The following LPP variants were observed in gnomAD, a reference collection of about 807,000 sequenced individuals.
LPP encodes LIM domain containing preferred translocation partner in lipoma.
Under a neutral mutation model 60.4 loss-of-function variants are expected in LPP, and 38 were observed. That is an observed-to-expected ratio of 0.63 (90% CI 0.49 to 0.83). LPP has a LOEUF of 0.83. LPP is among the 40% of genes least tolerant of loss of function. The pLI, the probability that LPP is intolerant of heterozygous loss-of-function variation, is 0.00. For missense variants in LPP, 902 were observed against 783.6 expected, an observed-to-expected ratio of 1.15 and a Z score of -1.80; for synonymous variants, 328 against 290.8, an observed-to-expected ratio of 1.13 and a Z score of -1.30.
intron 1 of LPP, among the ~76,000 whole-genome samples, chr3:188,212,173 T>C (rs1038134616): frequency 2.6e-5 from 4 of 152,162 alleles, no homozygotes; most frequent in African/African-American, 9.7e-5. Context: ...GGAGTTGTTT[T>C]GAGACTCACC....
chr3:188,655,984 GT>G (rs1183503756), intron 7 of LPP, among the ~76,000 whole-genome samples: 2 of 151,914 alleles, frequency 1.3e-5, no homozygotes, highest in Admixed American at 1.3e-4. Flanking sequence ...GAGGTCAGGA[GT>G]TTGAGACCAG....
At chr3:188,163,150 G>A (rs779996780) in intron 1 of LPP, among the ~76,000 whole-genome samples, 14 of 152,096 alleles carry the variant, frequency 9.2e-5, no homozygotes, top group Admixed American at 2.0e-4. Flanking sequence ...TCTGTTACCC[G>A]TGGAGGGTCT....
intron 3 of LPP, among the ~76,000 whole-genome samples, chr3:188,386,384 A>C (rs561698360): frequency 2.0e-5 from 3 of 152,072 alleles, no homozygotes; most frequent in Admixed American, 6.6e-5. Flanking sequence ...GTTCCTTTCT[A>C]AATATTACCT....
chr3:188,533,320 G>A (rs985356641), intron 6 of LPP, among the ~76,000 whole-genome samples: 1 of 152,156 alleles, frequency 6.6e-6, no homozygotes, highest in Non-Finnish European at 1.5e-5. Flanking sequence ...GCTACTGGGA[G>A]ATGAAAACTA....
At chr3:188,812,489 A>G (rs1751274790) in intron 9 of LPP, among the ~76,000 whole-genome samples, 1 of 152,184 alleles carries the variant, frequency 6.6e-6, no homozygotes, top group Non-Finnish European at 1.5e-5. Context: ...TGCAAAAATG[A>G]CTAGAAGAAC....
At chr3:188,667,225 T>C (rs1576928984) in intron 7 of LPP, among the ~76,000 whole-genome samples, 1 of 152,246 alleles carries the variant, frequency 6.6e-6, no homozygotes, top group East Asian at 1.9e-4. Context: ...ACGCCTGTAA[T>C]CCCAGCACTT....
chr3:188,397,806 G>A (rs1267034383), intron 3 of LPP, among the ~76,000 whole-genome samples: 1 of 152,030 alleles, frequency 6.6e-6, no homozygotes, highest in East Asian at 1.9e-4. Context: ...TTGAGAAGGG[G>A]TTTCAACATG....
At chr3:188,517,003 T>A (rs1288960972) in intron 5 of LPP, among the ~76,000 whole-genome samples, 1 of 152,212 alleles carries the variant, frequency 6.6e-6, no homozygotes, top group Admixed American at 6.5e-5. Context: ...TTGATCAAAG[T>A]ACTTTATAAA....
At chr3:188,177,618 T>G (rs1022513634) in intron 1 of LPP, among the ~76,000 whole-genome samples, 1 of 152,084 alleles carries the variant, frequency 6.6e-6, no homozygotes, top group Non-Finnish European at 1.5e-5. Context: ...GATTAGGTCT[T>G]ACGTGAGCCT....
intron 7 of LPP, among the ~76,000 whole-genome samples, chr3:188,630,787 A>G (rs758742218): frequency 6.6e-6 from 1 of 152,184 alleles, no homozygotes; most frequent in African/African-American, 2.4e-5. Flanking sequence ...ATGCCCATCA[A>G]TAATAGACTG....
At chr3:188,375,908 T>C (rs1331726684) in intron 3 of LPP, among the ~76,000 whole-genome samples, 2 of 152,202 alleles carry the variant, frequency 1.3e-5, no homozygotes, top group Non-Finnish European at 2.9e-5. Flanking sequence ...TGTTGTGTCT[T>C]TGTTCTCGTT....
In LPP at chr3:188,874,325, G is replaced by A. The variant is rs537178587; in HGVS notation, c.1711-26G>A. 176 of 1,596,152 alleles carry A rather than the reference G, an allele frequency of 1.1e-4. 2 individuals carry two copies. In the South Asian group the frequency reaches 1.7e-3, roughly 16 times the overall value. ...TGTACTTAACGTTTTTACTTATGTCGTTTCCATCTGTCTTTACTGTTCTAG... is the reference window on the plus strand; with the variant it reads ...TGTACTTAACGTTTTTACTTATGTCATTTCCATCTGTCTTTACTGTTCTAG... On this transcript the variant is annotated intron_variant, in intron 11 of 11. Transcript: ENST00000617246.
In LPP at chr3:188,878,840, T is replaced by C. The variant is rs1287602109; in HGVS notation, c.*4361T>C. On this transcript the variant is annotated 3_prime_UTR_variant, in exon 12 of 12. Transcript: ENST00000617246. Reference sequence around the variant, plus strand: ...CTTAATATATTCTAGTAGTATTTATTTTTTCCTTGTCTTGGAAGTATCTCA... The same window carrying C: ...CTTAATATATTCTAGTAGTATTTATCTTTTCCTTGTCTTGGAAGTATCTCA... 4.7e-6 allele frequency: 1 copy of C among 213,296 alleles called. No individual in the cohort carries two copies. The allele number at this position is 213,296 out of a possible 1,614,324, so 13.2% of individuals were successfully genotyped here.
At chr3:188,687,241 T>C (rs1315114013) in intron 7 of LPP, among the ~76,000 whole-genome samples, 1 of 152,218 alleles carries the variant, frequency 6.6e-6, no homozygotes, top group Non-Finnish European at 1.5e-5. Context: ...GAGGCAGATT[T>C]CCTCTCTCCC....
chr3:188,204,287 G>C (rs1732533862), intron 1 of LPP, among the ~76,000 whole-genome samples: 1 of 152,112 alleles, frequency 6.6e-6, no homozygotes. Context: ...GCTCATCCTG[G>C]AGGCCTTGAG....
chr3:188,680,134 C>T (rs760176377), intron 7 of LPP, among the ~76,000 whole-genome samples: 3 of 152,132 alleles, frequency 2.0e-5, no homozygotes, highest in Non-Finnish European at 4.4e-5. Context: ...AGCTGCTACT[C>T]CCCCTTCTTT....
chr3:188,640,506 C>A (rs1278199882), intron 7 of LPP, among the ~76,000 whole-genome samples: 1 of 144,826 alleles, frequency 6.9e-6, no homozygotes, highest in African/African-American at 2.6e-5. Flanking sequence ...TACCCTAAAA[C>A]TTAAAGTATA....
chr3:188,870,510 C>T (rs907211375), intron 10 of LPP, among the ~76,000 whole-genome samples: 7 of 152,206 alleles, frequency 4.6e-5, no homozygotes, highest in Admixed American at 1.3e-4. Flanking sequence ...TCTGAGCCTT[C>T]GCTCTGTTGG....
In LPP at chr3:188,882,416, C is replaced by T. The variant is rs1374209728; in HGVS notation, c.*7937C>T. 4.4e-6 allele frequency: 1 copy of T among 227,040 alleles called. No individual in the cohort carries two copies. The highest frequency in any genetic ancestry group is 8.7e-6 in the Non-Finnish European group (1 of 114,300). 14.1% of individuals were successfully genotyped at this position (227,040 alleles called of 1,614,324 possible). On this transcript the variant is annotated 3_prime_UTR_variant, in exon 12 of 12. Coordinates refer to ENST00000617246, the MANE Select transcript of LPP (RefSeq NM_001375462.1). The stretch of plus-strand genomic sequence containing the variant: ...GGGAAGAAAAAGGCATAGAGGAAGC[C>T]TGAGGAAGTATTTACTTGCTTTTCC...
Sources: gnomAD v4.1 joint callset for allele counts (sites outside exome capture counted in the v4.1 genomes callset) on GRCh38, gnomAD v4.1.1 for gene constraint, MANE v1.5 for transcripts, NCBI Gene and HGNC (gene_info 2026-07-23, HGNC 2026-07-21) for gene names.